The following EDARADD variants were observed in gnomAD, a reference collection of about 807,000 sequenced individuals.
EDARADD encodes the protein ectodysplasin-A receptor-associated adapter protein.
EDARADD carries 20 observed loss-of-function variants against 25.6 expected under a neutral mutation model. The observed-to-expected ratio is 0.78, with a 90% CI of 0.55 to 1.14. EDARADD has a LOEUF of 1.14. Ranked by LOEUF, EDARADD falls within the 50% of genes most tolerant of loss-of-function variation. The probability of loss-of-function intolerance (pLI) is 0.00; values close to 1 mark genes in which losing one functional copy is unlikely to be tolerated. For missense variants in EDARADD, 225 were observed against 270.1 expected (o/e 0.83, Z 1.17); for synonymous variants, 86 against 94.4 (o/e 0.91, Z 0.52).
chr1:236,394,326 A>G lies in EDARADD; in HGVS notation c.-119A>G. ...TTATCCTCCCACCTACAAATTCCCC[A>G]GAGAGCTTTCATCTAGAAGGTTTGA... On this transcript the variant is annotated 5_prime_UTR_variant, in exon 1 of 6. Transcript: ENST00000334232. 1 of 1,127,264 alleles carries G rather than the reference A, an allele frequency of 8.9e-7. No homozygotes were observed. The allele number at this position is 1,127,264 out of a possible 1,614,324, so 69.8% of individuals were successfully genotyped here.
At chr1:236,376,695 G>C (rs116682636) in intron 3 of EDARADD, among the ~76,000 whole-genome samples, 3 of 152,052 alleles carry the variant, frequency 2.0e-5, no homozygotes, top group African/African-American at 7.3e-5. Context: ...TCCTGGATAC[G>C]TGGTTTGGTG....
In EDARADD at chr1:236,483,631, G is replaced by C. The variant is rs1659747713; in HGVS notation, c.*982G>C. 1 of 1,562,626 alleles carries C rather than the reference G, an allele frequency of 6.4e-7. No homozygotes were observed. Among genetic ancestry groups the C allele is most frequent in the Non-Finnish European group, 8.8e-7 (1 of 1,135,122 alleles). On this transcript the variant is annotated 3_prime_UTR_variant, in exon 6 of 6. Transcript: ENST00000334232. ...CCGGTGTTCAATGTCATCAATGGCA[G>C]TTCTCATGCTGTCACCAAGCTGGCC...
chr1:236,389,826 A>T (rs1295665614), upstream of EDARADD, among the ~76,000 whole-genome samples: 1 of 151,942 alleles, frequency 6.6e-6, no homozygotes, highest in Non-Finnish European at 1.5e-5. Flanking sequence ...ATGTAGTGAG[A>T]CTCCTGTCTC....
intron 4 of EDARADD, among the ~76,000 whole-genome samples, chr1:236,429,599 A>G (rs1658042831): frequency 6.6e-6 from 1 of 150,648 alleles, no homozygotes; most frequent in African/African-American, 2.4e-5. Context: ...TGGCCAGGCT[A>G]GTCTCGAACT....
chr1:236,421,817 C>A (rs951907510), intron 3 of EDARADD, among the ~76,000 whole-genome samples: 7 of 152,204 alleles, frequency 4.6e-5, no homozygotes, highest in Middle Eastern at 3.4e-3. Flanking sequence ...AATGTCAAGG[C>A]AGCACATAAA....
At chr1:236,424,077 G>C (rs1233516021) in intron 3 of EDARADD, among the ~76,000 whole-genome samples, 1 of 150,924 alleles carries the variant, frequency 6.6e-6, no homozygotes, top group Non-Finnish European at 1.5e-5. Flanking sequence ...CTGCACTCCA[G>C]CCTGGGTGAC....
chr1:236,447,214 TTCTTTCTTTCC>T lies in EDARADD; in HGVS notation c.219+19766_219+19776del, dbSNP rs1164393663. On this transcript the variant is annotated intron_variant, in intron 4 of 5. Coordinates refer to ENST00000334232, the MANE Select transcript of EDARADD (RefSeq NM_145861.4). ...TTTCTTTCTTTCTTTCTTTCTTTCT[TTCTTTCTTTCC>T]TTTCTTTCCTTTCTTTCCTTTCTTT... Among the ~76,000 whole-genome samples, 12 of 30,140 alleles carry T rather than the reference TTCTTTCTTTCC, an allele frequency of 4.0e-4. 1 individual carries two copies. Among genetic ancestry groups the T allele is most frequent in the African/African-American group, 1.1e-3 (12 of 11,258 alleles). The allele number at this position is 30,140 out of a possible 152,430, so 19.8% of individuals were successfully genotyped here. A position where few individuals can be genotyped will look rare whatever the true frequency, so the allele number is the denominator to read the frequency against.
intron 2 of EDARADD, among the ~76,000 whole-genome samples, chr1:236,410,787 A>G (rs1657445875): frequency 6.6e-6 from 1 of 152,214 alleles, no homozygotes; most frequent in East Asian, 1.9e-4. Context: ...TTTAAATCTT[A>G]GGTGTCTTGC....
intron 1 of EDARADD, 23 bp downstream of exon 1, chr1:236,394,528 C>G (rs1347054595): frequency 6.2e-7 from 1 of 1,609,204 alleles, no homozygotes. Flanking sequence ...TTGCTGTCTT[C>G]CTGGATTTCT....
chr1:236,483,195 C>A lies in EDARADD; in HGVS notation c.*546C>A, dbSNP rs879032585. 3.2e-6 allele frequency: 5 copies of A among 1,572,976 alleles called. No individual in the cohort carries two copies. The highest frequency in any genetic ancestry group is 1.1e-5 in the South Asian group (1 of 90,238). On this transcript the variant is annotated 3_prime_UTR_variant, in exon 6 of 6. Transcript: ENST00000334232. ...TATTCTCAAGATCCATGCCAGGGAG[C>A]TCTTTGACTCTCGTGGGAATCCCAC...
chr1:236,456,055 C>T (rs1262757222), intron 4 of EDARADD, among the ~76,000 whole-genome samples: 1 of 152,162 alleles, frequency 6.6e-6, no homozygotes, highest in Non-Finnish European at 1.5e-5. Context: ...TCCCAAAGTA[C>T]AGGGATTATA....
At chr1:236,405,725 T>C (rs186378776) in intron 1 of EDARADD, among the ~76,000 whole-genome samples, 28 of 120,544 alleles carry the variant, frequency 2.3e-4, no homozygotes, top group Non-Finnish European at 3.0e-4. Context: ...CTTCCTTTCT[T>C]TTTCTTTCTT....
At chr1:236,473,959 A>G (rs527783734) in intron 5 of EDARADD, among the ~76,000 whole-genome samples, 1 of 152,104 alleles carries the variant, frequency 6.6e-6, no homozygotes, top group South Asian at 2.1e-4. Flanking sequence ...TCTTTAAAGA[A>G]CATTGGCATA....
chr1:236,415,084 G>C (rs1469429250), intron 3 of EDARADD, among the ~76,000 whole-genome samples: 2 of 152,182 alleles, frequency 1.3e-5, no homozygotes, highest in Non-Finnish European at 2.9e-5. Context: ...TGGAGGAAGA[G>C]GGAGCCTTTC....
intron 3 of EDARADD, among the ~76,000 whole-genome samples, chr1:236,353,876 T>C (rs745742738): frequency 2.0e-5 from 3 of 152,032 alleles, no homozygotes; most frequent in Non-Finnish European, 4.4e-5. Flanking sequence ...GACAGCTCTT[T>C]CCTTAAAAAA....
At chr1:236,452,181 G>T (rs1266572539) in intron 4 of EDARADD, among the ~76,000 whole-genome samples, 3 of 152,200 alleles carry the variant, frequency 2.0e-5, no homozygotes, top group Admixed American at 6.5e-5. Flanking sequence ...GCACCCCCTA[G>T]TGGTGATCTT....
At chr1:236,454,732 G>A (rs1483291120) in intron 4 of EDARADD, among the ~76,000 whole-genome samples, 5 of 152,192 alleles carry the variant, frequency 3.3e-5, no homozygotes, top group South Asian at 2.1e-4. Context: ...CAGCACCCCC[G>A]CCAGATGCCC....
chr1:236,438,124 C>T (rs77555231), intron 4 of EDARADD, among the ~76,000 whole-genome samples: 6 of 94,484 alleles, frequency 6.4e-5, no homozygotes, highest in Non-Finnish European at 1.0e-4. Context: ...CCCTCTTTGT[C>T]TGTCTGTGTC....
intron 3 of EDARADD, among the ~76,000 whole-genome samples, chr1:236,416,190 A>G (rs1303552979): frequency 6.6e-6 from 1 of 152,168 alleles, no homozygotes; most frequent in African/African-American, 2.4e-5. Context: ...AGCGGGGAGG[A>G]CAAGGTTACC....
Sources: allele counts gnomAD v4.1 joint callset (sites outside exome capture counted in the v4.1 genomes callset), GRCh38; gene constraint gnomAD v4.1.1; transcripts MANE v1.5; gene names NCBI Gene and HGNC (gene_info 2026-07-23, HGNC 2026-07-21).